Variants in LRRC37A2 observed in about 807,000 individuals in gnomAD.
LRRC37A2 encodes leucine-rich repeat-containing protein 37A2.
Under a neutral mutation model 68.8 loss-of-function variants are expected in LRRC37A2, and 9 were observed. That is an observed-to-expected ratio of 0.13 (90% CI 0.08 to 0.23). The LOEUF is 0.23. Ranked by LOEUF, LRRC37A2 falls within the 10% of genes least tolerant of loss-of-function variation. The pLI, the probability that LRRC37A2 is intolerant of heterozygous loss-of-function variation, is 1.00. For missense variants in LRRC37A2, 168 were observed against 950.4 expected, an observed-to-expected ratio of 0.18 and a Z score of 10.82; for synonymous variants, 63 against 367.6, an observed-to-expected ratio of 0.17 and a Z score of 9.48.
At chr17:46,731,298 C>T in the LRRC37A2 span, among the ~76,000 whole-genome samples, 1 of 151,978 alleles carries the variant, frequency 6.6e-6, no homozygotes, top group Admixed American at 6.6e-5. Context: ...TCTATAAAGA[C>T]AGAAAATATA....
At chr17:46,965,818 G>A in the LRRC37A2 span, among the ~76,000 whole-genome samples, 1 of 150,762 alleles carries the variant, frequency 6.6e-6, no homozygotes, top group South Asian at 2.1e-4. Flanking sequence ...TTTTGTAGAG[G>A]CGGGGTCTCA....
the LRRC37A2 span, among the ~76,000 whole-genome samples, chr17:46,953,866 G>A: frequency 2.3e-3 from 357 of 152,222 alleles, 2 homozygotes; most frequent in African/African-American, 8.4e-3. Context: ...CATATCCTTC[G>A]CCCACTTGTT....
the LRRC37A2 span, among the ~76,000 whole-genome samples, chr17:47,037,694 G>C: frequency 9.2e-5 from 14 of 152,202 alleles, no homozygotes; most frequent in Admixed American, 9.2e-4. Context: ...TGAAGGATTG[G>C]TGTTAATTCT....
the LRRC37A2 span, among the ~76,000 whole-genome samples, chr17:46,880,923 G>T: frequency 1.3e-5 from 2 of 152,204 alleles, no homozygotes; most frequent in Admixed American, 1.3e-4. Flanking sequence ...ATGGCTCAGG[G>T]TGGGGCGGGA....
At chr17:47,002,029 A>G in the LRRC37A2 span, among the ~76,000 whole-genome samples, 2 of 152,104 alleles carry the variant, frequency 1.3e-5, no homozygotes, top group Non-Finnish European at 2.9e-5. Flanking sequence ...GTGAGCCACC[A>G]CGCCTGGTCC....
chr17:46,827,247 G>A, the LRRC37A2 span, among the ~76,000 whole-genome samples: 2 of 152,110 alleles, frequency 1.3e-5, no homozygotes, highest in Non-Finnish European at 2.9e-5. Flanking sequence ...AGTCAATCAC[G>A]GGGACCCATT....
chr17:46,904,962 A>T, the LRRC37A2 span, among the ~76,000 whole-genome samples: 4 of 152,054 alleles, frequency 2.6e-5, no homozygotes, highest in African/African-American at 9.7e-5. Flanking sequence ...GTCCACCCCC[A>T]CCGTAAAGAA....
chr17:46,957,613 A>AAAAC, the LRRC37A2 span, among the ~76,000 whole-genome samples: 370 of 151,404 alleles, frequency 2.4e-3, 1 homozygote, highest in Middle Eastern at 6.8e-3. Flanking sequence ...ACTTGGTCTC[A>AAAAC]AAACAAACAA....
At chr17:46,789,849 G>T in the LRRC37A2 span, among the ~76,000 whole-genome samples, 1 of 152,324 alleles carries the variant, frequency 6.6e-6, no homozygotes, top group African/African-American at 2.4e-5. Flanking sequence ...GAGGCCTCAC[G>T]GGGGATGCTG....
the LRRC37A2 span, among the ~76,000 whole-genome samples, chr17:46,403,507 CAAAAAAA>C: frequency 6.1e-5 from 3 of 49,288 alleles, no homozygotes; most frequent in Admixed American, 2.0e-4. Context: ...GACTATCTCT[CAAAAAAA>C]AAAAAAAAAA....
chr17:46,856,322 G>C, the LRRC37A2 span, among the ~76,000 whole-genome samples: 2 of 152,192 alleles, frequency 1.3e-5, no homozygotes, highest in Non-Finnish European at 2.9e-5. Context: ...TGGCACATAT[G>C]TGCTAAGTGC....
At chr17:46,503,403 T>G in the LRRC37A2 span, among the ~76,000 whole-genome samples, 3 of 147,154 alleles carry the variant, frequency 2.0e-5, no homozygotes, top group Middle Eastern at 3.5e-3. Flanking sequence ...TAAGATATGT[T>G]TTCCTCTGGC....
At chr17:46,794,887 A>T in the LRRC37A2 span, among the ~76,000 whole-genome samples, 1 of 151,756 alleles carries the variant, frequency 6.6e-6, no homozygotes, top group Non-Finnish European at 1.5e-5. Flanking sequence ...AGTAGCTGGA[A>T]TTATAGGCAC....
the LRRC37A2 span, among the ~76,000 whole-genome samples, chr17:46,781,072 AC>A: frequency 1.3e-5 from 2 of 151,774 alleles, no homozygotes; most frequent in Admixed American, 1.3e-4. Flanking sequence ...CTACTAAAAT[AC>A]AAAAATTAGC....
chr17:46,833,258 T>G, the LRRC37A2 span: 3 of 452,762 alleles, frequency 6.6e-6, no homozygotes, highest in Non-Finnish European at 1.3e-5. Context: ...ACGCTTCAGC[T>G]GAGCTCCCTG....
chr17:46,496,681 G>A, the LRRC37A2 span, among the ~76,000 whole-genome samples: 2,801 of 132,760 alleles, frequency 0.021, 67 homozygotes, highest in Admixed American at 0.044. Flanking sequence ...TTGGAAGGCC[G>A]AGGCAGGTGA....
chr17:46,803,360 C>T, the LRRC37A2 span, among the ~76,000 whole-genome samples: 1 of 152,188 alleles, frequency 6.6e-6, no homozygotes. Flanking sequence ...ATGGCAAAAC[C>T]TTGTCTCTAC....
At chr17:46,900,198 T>TAC in the LRRC37A2 span, among the ~76,000 whole-genome samples, 57 of 92,080 alleles carry the variant, frequency 6.2e-4, no homozygotes, top group African/African-American at 1.2e-3. Flanking sequence ...TATATATATA[T>TAC]ATATACACAC....
chr17:46,891,600 G>C, the LRRC37A2 span, among the ~76,000 whole-genome samples: 1 of 152,198 alleles, frequency 6.6e-6, no homozygotes, highest in Admixed American at 6.5e-5. Flanking sequence ...TATCAGTTCA[G>C]TTGGGAGGAT....
Sources: allele counts gnomAD v4.1 joint callset (sites outside exome capture counted in the v4.1 genomes callset), GRCh38; gene constraint gnomAD v4.1.1; transcripts MANE v1.5; gene names NCBI Gene and HGNC (gene_info 2026-07-23, HGNC 2026-07-21).